PTPRM: variants seen among roughly 807,000 people sequenced by gnomAD.
PTPRM encodes protein tyrosine phosphatase receptor type M, also known as receptor-type tyrosine-protein phosphatase mu.
In PTPRM, 47 loss-of-function variants were observed where a neutral mutation model predicts 186.7. The observed-to-expected ratio is 0.25, with a 90% CI of 0.20 to 0.32. The LOEUF (loss-of-function observed/expected upper bound fraction) is 0.32, where lower values mean the gene tolerates loss of function less well. PTPRM is among the 10% of genes least tolerant of loss of function. The pLI is 1.00. For missense variants in PTPRM, 1,494 were observed against 1,865.0 expected (o/e 0.80, Z 3.66); for synonymous variants, 668 against 674.9 (o/e 0.99, Z 0.16).
At chr18:7,791,211 A>AATT (rs1207698517) in intron 2 of PTPRM, among the ~76,000 whole-genome samples, 1 of 152,198 alleles carries the variant, frequency 6.6e-6, no homozygotes, top group Non-Finnish European at 1.5e-5. Context: ...GACACATCTG[A>AATT]ATTCAGTAGG....
At chr18:7,692,840 G>GTATATA (rs1159328522) in intron 1 of PTPRM, among the ~76,000 whole-genome samples, 1 of 152,174 alleles carries the variant, frequency 6.6e-6, no homozygotes, top group South Asian at 2.1e-4. Flanking sequence ...TTATTGTGAT[G>GTATATA]TATATATGCA....
chr18:7,840,683 C>G (rs879555296), intron 2 of PTPRM, among the ~76,000 whole-genome samples: 2 of 152,136 alleles, frequency 1.3e-5, no homozygotes, highest in Non-Finnish European at 2.9e-5. Context: ...AGTGACTAGC[C>G]TCTGTGATGT....
rs1328231800 is a variant in PTPRM, at chr18:8,406,179, G to A, written c.*17G>A. On this transcript the variant is annotated 3_prime_UTR_variant, in exon 33 of 33. Transcript: ENST00000580170. ...TCTGGCTGATGGTGTAAACAGCTCTGCAAACAATCCCTTTCATACCACAAA... is the reference window on the plus strand; with the variant it reads ...TCTGGCTGATGGTGTAAACAGCTCTACAAACAATCCCTTTCATACCACAAA... The A allele has an allele frequency of 1.2e-6, 2 of 1,611,248 alleles. No individual in the cohort carries two copies. Among genetic ancestry groups the A allele is most frequent in the East Asian group, 2.2e-5 (1 of 44,870 alleles).
At chr18:7,667,264 A>T (rs538112725) in intron 1 of PTPRM, among the ~76,000 whole-genome samples, 2 of 152,208 alleles carry the variant, frequency 1.3e-5, no homozygotes, top group African/African-American at 4.8e-5. Context: ...GCGGAGGACC[A>T]CTCAGGTCTA....
intron 2 of PTPRM, among the ~76,000 whole-genome samples, chr18:7,781,804 A>G (rs1007937404): frequency 1.3e-5 from 2 of 151,478 alleles, no homozygotes; most frequent in African/African-American, 4.9e-5. Context: ...TGAATTTGAC[A>G]TTTTTTTTTA....
intron 2 of PTPRM, among the ~76,000 whole-genome samples, chr18:7,833,313 A>G (rs1190622860): frequency 6.6e-6 from 1 of 152,012 alleles, no homozygotes; most frequent in Non-Finnish European, 1.5e-5. Context: ...TATAGTTTTC[A>G]TTGTAGAGAT....
intron 11 of PTPRM, among the ~76,000 whole-genome samples, chr18:8,108,833 A>G (rs1049048737): frequency 1.3e-5 from 2 of 152,264 alleles, no homozygotes; most frequent in African/African-American, 2.4e-5. Flanking sequence ...TGCTTTTAAT[A>G]TCGCACATGC....
chr18:8,269,097 C>G (rs996533365), intron 19 of PTPRM, among the ~76,000 whole-genome samples: 4 of 151,880 alleles, frequency 2.6e-5, no homozygotes, highest in Non-Finnish European at 5.9e-5. Context: ...TAAAGGCATC[C>G]AAATTGGAAA....
chr18:8,200,721 T>G, intron 14 of PTPRM, among the ~76,000 whole-genome samples: 1 of 152,214 alleles, frequency 6.6e-6, no homozygotes, highest in East Asian at 1.9e-4. Flanking sequence ...CAAAAAGTTA[T>G]AAAAATAGTA....
At chr18:7,755,997 A>G (rs887308666) in intron 1 of PTPRM, among the ~76,000 whole-genome samples, 4 of 152,036 alleles carry the variant, frequency 2.6e-5, no homozygotes, top group Non-Finnish European at 5.9e-5. Context: ...TCAGATTCCT[A>G]TATTTCCTTG....
intron 5 of PTPRM, among the ~76,000 whole-genome samples, chr18:7,932,422 A>G (rs560838191): frequency 3.9e-5 from 6 of 152,210 alleles, no homozygotes; most frequent in Admixed American, 6.5e-5. Flanking sequence ...AAAATGTAGG[A>G]AACTTTAGTG....
At chr18:7,743,200 A>C (rs2144524984) in intron 1 of PTPRM, among the ~76,000 whole-genome samples, 1 of 152,276 alleles carries the variant, frequency 6.6e-6, no homozygotes, top group South Asian at 2.1e-4. Flanking sequence ...ATTGTCACTT[A>C]GCTTTTCTTT....
chr18:8,345,702 T>C (rs1033657883), intron 23 of PTPRM, among the ~76,000 whole-genome samples: 2 of 151,384 alleles, frequency 1.3e-5, no homozygotes, highest in Non-Finnish European at 2.9e-5. Flanking sequence ...TTTATAAAAA[T>C]TATTCTAAGA....
intron 2 of PTPRM, 53 bp downstream of exon 2, chr18:7,774,324 C>A: frequency 6.3e-7 from 1 of 1,588,862 alleles, no homozygotes. Flanking sequence ...GAGTCTCAAT[C>A]ATACTATGTG....
chr18:8,080,085 C>A (rs2090044711), intron 9 of PTPRM, among the ~76,000 whole-genome samples: 1 of 152,090 alleles, frequency 6.6e-6, no homozygotes, highest in African/African-American at 2.4e-5. Context: ...GTTTAAATTT[C>A]TATAATATCA....
chr18:7,860,358 C>T (rs773222641), intron 2 of PTPRM, among the ~76,000 whole-genome samples: 3 of 152,156 alleles, frequency 2.0e-5, no homozygotes, highest in Non-Finnish European at 4.4e-5. Context: ...CAGGTATGAG[C>T]CACTGTGCCC....
At position 7,998,234 on chromosome 18, in the gene PTPRM, T is replaced by C. The variant is rs185816218; in HGVS notation, c.1132+42820T>C. Among the ~76,000 whole-genome samples, 1,105 of 152,074 alleles carry C rather than the reference T, an allele frequency of 7.3e-3. 4 individuals carry two copies. Among genetic ancestry groups the C allele is most frequent in the Non-Finnish European group, 0.012 (790 of 67,954 alleles). ...TGAAGTTTTGTCATTTGAAGCAACA[T>C]GGATGAGCCTGGAGGACATTATGTT... On this transcript the variant is annotated intron_variant, in intron 7 of 32. Coordinates refer to ENST00000580170, the MANE Select transcript of PTPRM (RefSeq NM_001105244.2).
chr18:8,239,601 G>C (rs1236697277), intron 14 of PTPRM, among the ~76,000 whole-genome samples: 2 of 152,190 alleles, frequency 1.3e-5, no homozygotes, highest in Non-Finnish European at 2.9e-5. Flanking sequence ...GGCTCTCACA[G>C]AGGTTTCTGT....
chr18:7,977,545 T>C (rs903379264), intron 7 of PTPRM, among the ~76,000 whole-genome samples: 3 of 152,120 alleles, frequency 2.0e-5, no homozygotes, highest in African/African-American at 7.2e-5. Flanking sequence ...GGATGAGCTT[T>C]CTAGTTGTCC....
Sources: gnomAD v4.1 joint callset for allele counts (sites outside exome capture counted in the v4.1 genomes callset) on GRCh38, gnomAD v4.1.1 for gene constraint, MANE v1.5 for transcripts, NCBI Gene and HGNC (gene_info 2026-07-23, HGNC 2026-07-21) for gene names.